The following SLFN5 variants were observed in gnomAD, a reference collection of about 807,000 sequenced individuals.
The protein encoded by SLFN5 is schlafen family member 5.
SLFN5 carries 34 observed loss-of-function variants against 48.5 expected under a neutral mutation model. That is an observed-to-expected ratio of 0.70 (90% CI 0.53 to 0.93). The LOEUF is 0.93. Ranked by LOEUF, SLFN5 falls within the 40% of genes least tolerant of loss-of-function variation. The pLI, the probability that SLFN5 is intolerant of heterozygous loss-of-function variation, is 0.00. For missense variants in SLFN5, 1,006 were observed against 1,071.3 expected, an observed-to-expected ratio of 0.94 and a Z score of 0.85; for synonymous variants, 387 against 396.2, an observed-to-expected ratio of 0.98 and a Z score of 0.28.
In SLFN5 at chr17:35,270,145, G is replaced by T. The variant is rs1460816281; in HGVS notation, c.*4257G>T. 3 of 151,722 alleles carry T rather than the reference G, an allele frequency of 2.0e-5. No homozygotes were observed. The highest frequency in any genetic ancestry group is 2.9e-5 in the Non-Finnish European group (2 of 67,950). The allele number at this position is 151,722 out of a possible 1,614,324, so 9.4% of individuals were successfully genotyped here. On this transcript the variant is annotated 3_prime_UTR_variant, in exon 5 of 5. Coordinates refer to ENST00000299977, the MANE Select transcript of SLFN5 (RefSeq NM_144975.4). ...CGATTTAACATAATTCTATCTAGCT[G>T]TTCTTATATTTTCTCTGATATATTT...
intron 1 of SLFN5, among the ~76,000 whole-genome samples, chr17:35,249,380 C>T (rs2092437485): frequency 1.3e-5 from 2 of 152,216 alleles, no homozygotes; most frequent in Non-Finnish European, 2.9e-5. Context: ...TCCATCAGTT[C>T]AGATCAATGA....
chr17:35,260,595 G>A (rs1289615658), intron 2 of SLFN5, among the ~76,000 whole-genome samples: 1 of 152,054 alleles, frequency 6.6e-6, no homozygotes, highest in African/African-American at 2.4e-5. Flanking sequence ...ATGTGGTGAC[G>A]CACGCCTGTA....
chr17:35,252,294 TG>T (rs1414444784), intron 1 of SLFN5, among the ~76,000 whole-genome samples: 3 of 152,100 alleles, frequency 2.0e-5, no homozygotes, highest in Non-Finnish European at 2.9e-5. Flanking sequence ...AGCTGTGCAT[TG>T]TGGCGCGTTC....
chr17:35,256,469 A>G (rs1277031764), intron 1 of SLFN5, among the ~76,000 whole-genome samples: 2 of 151,994 alleles, frequency 1.3e-5, no homozygotes, highest in Admixed American at 1.3e-4. Flanking sequence ...TTGAACAGCA[A>G]TCCTTTGAAA....
chr17:35,246,391 T>C (rs1191015158), intron 1 of SLFN5, among the ~76,000 whole-genome samples: 2 of 152,182 alleles, frequency 1.3e-5, no homozygotes, highest in African/African-American at 4.8e-5. Flanking sequence ...GCTGCACAGA[T>C]CATCCCATCA....
At chr17:35,264,078 A>G (rs758973828) in intron 3 of SLFN5, 105 bp from the exon 4 acceptor site, 143 of 1,323,302 alleles carry the variant, frequency 1.1e-4, no homozygotes, top group Non-Finnish European at 1.4e-4. Context: ...AACCTATTGT[A>G]GATACATAGT....
rs1597660555 is a variant in SLFN5 at position 35,272,400 on chromosome 17, A to C, written c.*6512A>C. 7 of 152,294 alleles carry C rather than the reference A, an allele frequency of 4.6e-5. 1 individual carries two copies. Among genetic ancestry groups the C allele is most frequent in the Admixed American group, 4.6e-4 (7 of 15,300 alleles). 9.4% of individuals were successfully genotyped at this position (152,294 alleles called of 1,614,324 possible). A position where few individuals can be genotyped will look rare whatever the true frequency, so the allele number is the denominator to read the frequency against. ...CAGACTAGATACCAAAATAAATTCC[A>C]GGAGGACCAAGTTTTTAAAAGTAAA... On this transcript the variant is annotated 3_prime_UTR_variant, in exon 5 of 5. Coordinates refer to ENST00000299977, the MANE Select transcript of SLFN5 (RefSeq NM_144975.4).
chr17:35,259,205 C>A lies in SLFN5; in HGVS notation c.515C>A (p.Ala172Asp). 6.2e-7 allele frequency: 1 copy of A among 1,614,122 alleles called. No homozygotes were observed. Among genetic ancestry groups the A allele is most frequent in the Non-Finnish European group, 8.5e-7 (1 of 1,180,042 alleles). Residue 172 changes from alanine (A) to aspartate (D), a missense_variant, in exon 2 of 5, where the codon GCT becomes GAT. Physicochemically the swap from Ala to Asp is moderately radical, Grantham distance 126 (BLOSUM62 -2). Transcript: ENST00000299977. ...TATGAAGGTAACATAAATGTGTCAGCTGCTGCTTTATTTGATAGAAAGCGG... is the reference window on the plus strand; with the variant it reads ...TATGAAGGTAACATAAATGTGTCAGATGCTGCTTTATTTGATAGAAAGCGG... ...VQYEGNINVS[A>D]AALFDRKRLQ...
intron 1 of SLFN5, among the ~76,000 whole-genome samples, chr17:35,248,825 T>G (rs1216609252): frequency 6.6e-6 from 1 of 152,210 alleles, no homozygotes; most frequent in African/African-American, 2.4e-5. Context: ...GACCCAAGGT[T>G]ACCTAACCTC....
intron 1 of SLFN5, among the ~76,000 whole-genome samples, chr17:35,250,453 A>G (rs1384399347): frequency 6.6e-6 from 1 of 152,114 alleles, no homozygotes; most frequent in Non-Finnish European, 1.5e-5. Context: ...AGGTCAGATC[A>G]AGACCATCCT....
At chr17:35,249,918 G>A (rs890687434) in intron 1 of SLFN5, among the ~76,000 whole-genome samples, 3 of 152,110 alleles carry the variant, frequency 2.0e-5, no homozygotes, top group African/African-American at 7.2e-5. Context: ...AAAATAATAA[G>A]CAGAACTTAC....
At position 35,265,526 on chromosome 17, in the gene SLFN5, T is replaced by C; in HGVS notation, c.2314T>C (p.Tyr772His). 2 of 1,614,262 alleles carry C rather than the reference T, an allele frequency of 1.2e-6. No individual in the cohort carries two copies. The highest frequency in any genetic ancestry group is 2.7e-5 in the African/African-American group (2 of 75,070). Reference protein sequence around the residue: ...EDLNLEEILIYVANKCRFLLR... With the variant: ...EDLNLEEILIHVANKCRFLLR... ...CTTGAACTTGGAGGAGATACTGATC[T>C]ATGTAGCGAATAAATGCCGTTTTCT... Residue 772 changes from tyrosine to histidine, a missense_variant, in exon 5 of 5, where the codon TAT becomes CAT. By Grantham distance (83) the Tyr-to-His change is moderately conservative. Coordinates refer to ENST00000299977, the MANE Select transcript of SLFN5 (RefSeq NM_144975.4).
At chr17:35,254,273 G>A (rs760536347) in intron 1 of SLFN5, among the ~76,000 whole-genome samples, 3 of 152,146 alleles carry the variant, frequency 2.0e-5, no homozygotes, top group Non-Finnish European at 2.9e-5. Context: ...TTTACTAAGT[G>A]ATCTGTCAAT....
chr17:35,262,948 T>C (rs1597654343), intron 3 of SLFN5, among the ~76,000 whole-genome samples: 1 of 152,308 alleles, frequency 6.6e-6, no homozygotes, highest in Admixed American at 6.5e-5. Context: ...ATCTGTTGCC[T>C]GTACCTATAG....
At chr17:35,261,406 A>G (rs1904516303) in intron 3 of SLFN5, among the ~76,000 whole-genome samples, 2 of 152,078 alleles carry the variant, frequency 1.3e-5, no homozygotes, top group South Asian at 4.2e-4. Context: ...ACAGTGGCTC[A>G]TACCTGTAAT....
In SLFN5 at chr17:35,265,866, A is replaced by G. The variant is rs772560948; in HGVS notation, c.2654A>G (p.Tyr885Cys). 1.9e-6 allele frequency: 3 copies of G among 1,606,616 alleles called. No homozygotes were observed. The highest frequency in any genetic ancestry group is 1.3e-5 in the African/African-American group (1 of 74,606). The change falls in exon 5 of 5, where the codon TAT becomes TGT. Residue 885 changes from tyrosine (Y) to cysteine (C), a missense_variant. Tyr to Cys is a radical substitution (Grantham distance 194, BLOSUM62 -2). Coordinates refer to ENST00000299977, the MANE Select transcript of SLFN5 (RefSeq NM_144975.4). ...CLASRAKRHL[Y>C]ILKASV The stretch of plus-strand genomic sequence containing the variant: ...GCTTCTAGGGCAAAAAGACATCTGT[A>G]TATTCTGAAGGCTTCTGTGTGACAG...
chr17:35,245,076 T>C (rs2092427667), intron 1 of SLFN5, among the ~76,000 whole-genome samples: 1 of 152,244 alleles, frequency 6.6e-6, no homozygotes, highest in African/African-American at 2.4e-5. Flanking sequence ...TAAAACCAGA[T>C]GCCTGAAACC....
chr17:35,246,672 T>C (rs549864121), intron 1 of SLFN5, among the ~76,000 whole-genome samples: 1 of 152,098 alleles, frequency 6.6e-6, no homozygotes, highest in East Asian at 1.9e-4. Flanking sequence ...CTGGTCAACA[T>C]GGTGAAATGC....
intron 1 of SLFN5, among the ~76,000 whole-genome samples, chr17:35,258,273 A>T (rs756036363): frequency 1.9e-4 from 29 of 152,210 alleles, no homozygotes; most frequent in Non-Finnish European, 2.9e-4. Context: ...ACAGTTCCAC[A>T]TGGCTGGGGA....
Sources: allele counts gnomAD v4.1 joint callset (sites outside exome capture counted in the v4.1 genomes callset), GRCh38; gene constraint gnomAD v4.1.1; transcripts MANE v1.5; gene names NCBI Gene and HGNC (gene_info 2026-07-23, HGNC 2026-07-21).